Variants in FAM135B observed in about 807,000 individuals in gnomAD.
FAM135B encodes the protein family with sequence similarity 135 member B.
In FAM135B, 43 loss-of-function variants were observed where a neutral mutation model predicts 127.7. The observed-to-expected ratio is 0.34, with a 90% CI of 0.26 to 0.43. FAM135B has a LOEUF of 0.43. Ranked by LOEUF, FAM135B falls within the 20% of genes least tolerant of loss-of-function variation. The pLI is 1.00. For synonymous variants in FAM135B, 670 were observed against 665.1 expected, an observed-to-expected ratio of 1.01 and a Z score of -0.11; for missense variants, 1,558 against 1,725.6, an observed-to-expected ratio of 0.90 and a Z score of 1.72.
At chr8:138,147,038 T>C (rs1187307102) in intron 14 of FAM135B, among the ~76,000 whole-genome samples, 1 of 152,192 alleles carries the variant, frequency 6.6e-6, no homozygotes, top group Non-Finnish European at 1.5e-5. Context: ...TCTCTAATGC[T>C]TAAGGATGAC....
At chr8:138,273,649 T>C (rs1277908763) in intron 3 of FAM135B, among the ~76,000 whole-genome samples, 2 of 152,182 alleles carry the variant, frequency 1.3e-5, no homozygotes, top group African/African-American at 4.8e-5. Flanking sequence ...CTGGCCTTAG[T>C]TCTTTTACAG....
At chr8:138,328,240 C>G (rs1374434681) in intron 2 of FAM135B, among the ~76,000 whole-genome samples, 3 of 152,124 alleles carry the variant, frequency 2.0e-5, no homozygotes, top group African/African-American at 7.2e-5. Context: ...TCAGGTTTCA[C>G]CCATTTTACA....
intron 7 of FAM135B, among the ~76,000 whole-genome samples, chr8:138,203,588 G>C: frequency 6.6e-6 from 1 of 152,110 alleles, no homozygotes; most frequent in African/African-American, 2.4e-5. Context: ...TCCACTGTTT[G>C]TAAGAGAAAG....
intron 1 of FAM135B, among the ~76,000 whole-genome samples, chr8:138,380,758 A>G (rs1317424528): frequency 2.6e-5 from 4 of 152,060 alleles, no homozygotes; most frequent in Non-Finnish European, 5.9e-5. Context: ...GGAAAAAAAA[A>G]GTAACAAACA....
At chr8:138,256,060 G>A (rs188694217) in intron 5 of FAM135B, among the ~76,000 whole-genome samples, 538 of 152,206 alleles carry the variant, frequency 3.5e-3, no homozygotes, top group Non-Finnish European at 5.5e-3. Flanking sequence ...TAGAGTTCTG[G>A]TATTATACTT....
intron 1 of FAM135B, among the ~76,000 whole-genome samples, chr8:138,393,623 T>A (rs999802049): frequency 6.6e-6 from 1 of 152,070 alleles, no homozygotes; most frequent in African/African-American, 2.4e-5. Flanking sequence ...GAGATGTCAA[T>A]AATAATGCTG....
chr8:138,454,398 T>C (rs1000546301), intron 1 of FAM135B, among the ~76,000 whole-genome samples: 4 of 152,122 alleles, frequency 2.6e-5, no homozygotes, highest in Non-Finnish European at 1.5e-5. Context: ...TTGAGGGATA[T>C]TATAGTCTTA....
chr8:138,250,377 C>T (rs1472797131), intron 6 of FAM135B, among the ~76,000 whole-genome samples: 1 of 152,036 alleles, frequency 6.6e-6, no homozygotes, highest in Non-Finnish European at 1.5e-5. Flanking sequence ...AACAAACAAA[C>T]AAATGAATGA....
chr8:138,413,308 T>C (rs371102389), intron 1 of FAM135B, among the ~76,000 whole-genome samples: 1 of 152,070 alleles, frequency 6.6e-6, no homozygotes, highest in East Asian at 1.9e-4. Context: ...CATCACCCTT[T>C]CATACTTCCA....
At chr8:138,454,072 C>T (rs940328568) in intron 1 of FAM135B, among the ~76,000 whole-genome samples, 1 of 151,770 alleles carries the variant, frequency 6.6e-6, no homozygotes, top group Non-Finnish European at 1.5e-5. Flanking sequence ...CTGAGTTAGT[C>T]CAGACGGGAT....
At chr8:138,169,695 T>C (rs1451217485) in intron 11 of FAM135B, among the ~76,000 whole-genome samples, 2 of 152,226 alleles carry the variant, frequency 1.3e-5, no homozygotes, top group Non-Finnish European at 2.9e-5. Context: ...TTAGAAAATA[T>C]GCTGAGCACC....
intron 6 of FAM135B, among the ~76,000 whole-genome samples, chr8:138,250,451 G>A (rs1821612564): frequency 6.6e-6 from 1 of 152,154 alleles, no homozygotes; most frequent in African/African-American, 2.4e-5. Flanking sequence ...CCTAACATGT[G>A]CCTGGTACCA....
rs1355791343 is a variant in FAM135B at position 138,431,277 on chromosome 8, C to CT, written c.-19-63276dup. 6.6e-5 allele frequency among the ~76,000 whole-genome samples: 10 copies of CT among 152,290 alleles called. No individual in the cohort carries two copies. The East Asian group carries it at 1.5e-3, about 24-fold the overall frequency. ...AAAACATGCCCCTGCCATCTTGGGA[C>CT]TTGTATTCCAGTGACAGACAGACTG... On this transcript the variant is annotated intron_variant, in intron 1 of 19. Transcript: ENST00000395297.
intron 1 of FAM135B, among the ~76,000 whole-genome samples, chr8:138,427,204 G>A (rs544642697): frequency 6.0e-4 from 91 of 151,322 alleles, no homozygotes; most frequent in Non-Finnish European, 1.1e-3. Flanking sequence ...GGGGGTGTAG[G>A]TGATATTCTG....
At chr8:138,204,631 G>A (rs1346817193) in intron 7 of FAM135B, among the ~76,000 whole-genome samples, 3 of 152,110 alleles carry the variant, frequency 2.0e-5, no homozygotes, top group Non-Finnish European at 2.9e-5. Context: ...CTTTGGAATC[G>A]TGGAACATTC....
At chr8:138,494,218 T>C (rs1487053693) in intron 1 of FAM135B, among the ~76,000 whole-genome samples, 1 of 152,178 alleles carries the variant, frequency 6.6e-6, no homozygotes, top group Non-Finnish European at 1.5e-5. Flanking sequence ...CAGACCGAGA[T>C]GGCAAAAGCA....
chr8:138,192,507 A>G (rs1246368450), intron 9 of FAM135B, among the ~76,000 whole-genome samples: 2 of 152,210 alleles, frequency 1.3e-5, no homozygotes, highest in Non-Finnish European at 2.9e-5. Flanking sequence ...GTGGAATAAT[A>G]TCACTATTGT....
At chr8:138,164,232 G>T (rs557723419) in intron 12 of FAM135B, among the ~76,000 whole-genome samples, 1 of 152,162 alleles carries the variant, frequency 6.6e-6, no homozygotes, top group African/African-American at 2.4e-5. Context: ...CCAGTATGGA[G>T]AAGGGGTACA....
intron 7 of FAM135B, among the ~76,000 whole-genome samples, chr8:138,199,377 G>A (rs1816925475): frequency 6.6e-6 from 1 of 152,324 alleles, no homozygotes; most frequent in African/African-American, 2.4e-5. Flanking sequence ...GGGTCACTGG[G>A]TTGTGCTCTC....
Sources: allele counts gnomAD v4.1 joint callset (sites outside exome capture counted in the v4.1 genomes callset), GRCh38; gene constraint gnomAD v4.1.1; transcripts MANE v1.5; gene names NCBI Gene and HGNC (gene_info 2026-07-23, HGNC 2026-07-21).